Variants in EGFLAM observed in about 807,000 individuals in gnomAD.
The protein encoded by EGFLAM is pikachurin.
Under a neutral mutation model 113.1 loss-of-function variants are expected in EGFLAM, and 79 were observed. The observed-to-expected ratio is 0.70, with a 90% CI of 0.58 to 0.84. The LOEUF (loss-of-function observed/expected upper bound fraction) is 0.84, where lower values mean the gene tolerates loss of function less well. Ranked by LOEUF, EGFLAM falls within the 40% of genes least tolerant of loss-of-function variation. EGFLAM has a pLI of 0.00. For missense variants in EGFLAM, 1,265 were observed against 1,291.6 expected, an observed-to-expected ratio of 0.98 and a Z score of 0.32; for synonymous variants, 504 against 487.6, an observed-to-expected ratio of 1.03 and a Z score of -0.44.
At chr5:38,280,280 G>A (rs1560135) in intron 1 of EGFLAM, among the ~76,000 whole-genome samples, 62,675 of 151,764 alleles carry the variant, frequency 0.41, 13,437 homozygotes, top group Middle Eastern at 0.56. Flanking sequence ...ATGTTCTGCC[G>A]TGCACTCACG....
At chr5:38,370,504 A>G (rs755692448) in intron 6 of EGFLAM, 42 bp downstream of exon 6, 18 of 1,592,564 alleles carry the variant, frequency 1.1e-5, no homozygotes, top group East Asian at 2.3e-5. Flanking sequence ...GGAGCTGCAT[A>G]TCTGGGCTTG....
At chr5:38,440,575 C>T (rs1024431106) in intron 17 of EGFLAM, among the ~76,000 whole-genome samples, 15 of 152,110 alleles carry the variant, frequency 9.9e-5, no homozygotes, top group African/African-American at 3.4e-4. Context: ...AGAAAGTTTG[C>T]GTAAATCCTT....
chr5:38,313,019 T>C (rs996044528), intron 1 of EGFLAM, among the ~76,000 whole-genome samples: 1 of 151,822 alleles, frequency 6.6e-6, no homozygotes, highest in Non-Finnish European at 1.5e-5. Context: ...ACCCCGGAGG[T>C]GGAGGTTGCA....
intron 1 of EGFLAM, among the ~76,000 whole-genome samples, chr5:38,267,847 A>T (rs1483425940): frequency 6.6e-6 from 1 of 152,214 alleles, no homozygotes; most frequent in East Asian, 1.9e-4. Context: ...GTTATCAGAT[A>T]TTCACGCTAG....
intron 6 of EGFLAM, among the ~76,000 whole-genome samples, chr5:38,403,064 T>A (rs1741165959): frequency 6.6e-6 from 1 of 152,168 alleles, no homozygotes; most frequent in Non-Finnish European, 1.5e-5. Flanking sequence ...ACCAAATGGA[T>A]TTCTTCTTCT....
At chr5:38,457,875 C>T (rs1743140579) in intron 19 of EGFLAM, among the ~76,000 whole-genome samples, 1 of 151,446 alleles carries the variant, frequency 6.6e-6, no homozygotes, top group Admixed American at 6.6e-5. Context: ...TCTATGATGC[C>T]ACTCATATGA....
chr5:38,321,078 T>G (rs1738726471), intron 1 of EGFLAM, among the ~76,000 whole-genome samples: 1 of 152,192 alleles, frequency 6.6e-6, no homozygotes, highest in Non-Finnish European at 1.5e-5. Flanking sequence ...CATTGTAATA[T>G]ATAATGAAGT....
At chr5:38,312,021 C>A (rs919918092) in intron 1 of EGFLAM, among the ~76,000 whole-genome samples, 17 of 152,140 alleles carry the variant, frequency 1.1e-4, no homozygotes, top group Admixed American at 5.2e-4. Context: ...CTGTAACCAT[C>A]GTCATTTAAT....
intron 1 of EGFLAM, among the ~76,000 whole-genome samples, chr5:38,308,286 G>C (rs1197420479): frequency 6.6e-6 from 1 of 152,232 alleles, no homozygotes; most frequent in African/African-American, 2.4e-5. Context: ...TCACAGGGCT[G>C]TGGGGCCCTG....
chr5:38,380,819 G>A (rs570857292), intron 6 of EGFLAM, among the ~76,000 whole-genome samples: 2 of 152,232 alleles, frequency 1.3e-5, no homozygotes, highest in East Asian at 3.9e-4. Context: ...CTCTTCTGAG[G>A]CCTTTGTGCA....
At chr5:38,302,679 AAG>A (rs1450785108) in intron 1 of EGFLAM, among the ~76,000 whole-genome samples, 3 of 150,694 alleles carry the variant, frequency 2.0e-5, no homozygotes, top group Admixed American at 1.3e-4. Context: ...CTGTTTCTTT[AAG>A]AGATTTATTT....
At chr5:38,380,954 G>A (rs750507592) in intron 6 of EGFLAM, among the ~76,000 whole-genome samples, 5 of 152,150 alleles carry the variant, frequency 3.3e-5, no homozygotes, top group Admixed American at 6.5e-5. Context: ...AGGAACTCAC[G>A]ATGCTCTGAT....
chr5:38,423,689 G>C (rs979289634), intron 12 of EGFLAM, among the ~76,000 whole-genome samples: 1 of 152,154 alleles, frequency 6.6e-6, no homozygotes, highest in African/African-American at 2.4e-5. Context: ...GGCTGTGGCT[G>C]GAGACCACTG....
intron 1 of EGFLAM, among the ~76,000 whole-genome samples, chr5:38,315,351 G>A (rs1738564091): frequency 6.6e-6 from 1 of 152,140 alleles, no homozygotes; most frequent in Non-Finnish European, 1.5e-5. Context: ...TGTCAGTCAT[G>A]CATATGTTTT....
chr5:38,333,076 G>C (rs541497113), intron 1 of EGFLAM, among the ~76,000 whole-genome samples: 1 of 152,190 alleles, frequency 6.6e-6, no homozygotes, highest in Non-Finnish European at 1.5e-5. Context: ...TCCTGCATTA[G>C]TTTGCTCAGG....
intron 9 of EGFLAM, among the ~76,000 whole-genome samples, chr5:38,408,242 C>T (rs4133009): frequency 0.017 from 2,541 of 152,268 alleles, 28 homozygotes; most frequent in Non-Finnish European, 0.026. Context: ...CAATGCATTC[C>T]CCGTTCCAAA....
At position 38,397,193 on chromosome 5, in the gene EGFLAM, T is replaced by C. The variant is rs74636680; in HGVS notation, c.713-8933T>C. ...GAACAACATATCTGCCTATGGCCAG[T>C]ACTTAGAGCTACTTTTCCCCACCAG... On this transcript the variant is annotated intron_variant, in intron 6 of 21. Coordinates refer to ENST00000322350, the MANE Select transcript of EGFLAM (RefSeq NM_152403.4). Among the ~76,000 whole-genome samples the C allele has an allele frequency of 6.5e-3, 990 of 152,318 alleles. 9 individuals are homozygous for C. The highest frequency in any genetic ancestry group is 0.022 in the African/African-American group (920 of 41,572).
intron 1 of EGFLAM, among the ~76,000 whole-genome samples, chr5:38,264,497 C>G (rs1178249244): frequency 1.3e-5 from 2 of 152,192 alleles, no homozygotes; most frequent in Non-Finnish European, 2.9e-5. Context: ...ACATGCACCT[C>G]TAGAGGCATT....
chr5:38,279,760 G>A lies in EGFLAM; in HGVS notation c.97+20909G>A, dbSNP rs187837966. On this transcript the variant is annotated intron_variant, in intron 1 of 21. Transcript: ENST00000322350. The stretch of plus-strand genomic sequence containing the variant: ...TAGGGTAATGCTGGCTAAAGGATAC[G>A]TAACTACAATTAGATAGGAATAAGC... Among the ~76,000 whole-genome samples, 25 of 152,204 alleles carry A rather than the reference G, an allele frequency of 1.6e-4. No homozygotes were observed. The East Asian group carries it at 2.1e-3, about 13-fold the overall frequency.
Sources: allele counts gnomAD v4.1 joint callset (sites outside exome capture counted in the v4.1 genomes callset), GRCh38; gene constraint gnomAD v4.1.1; transcripts MANE v1.5; gene names NCBI Gene and HGNC (gene_info 2026-07-23, HGNC 2026-07-21).